Variants in LYRM4 observed in about 807,000 individuals in gnomAD.
The protein encoded by LYRM4 is LYR motif containing 4.
A neutral mutation model predicts 11.7 loss-of-function variants in LYRM4; 9 were observed. The ratio of observed to expected loss-of-function variants is 0.77; its 90% CI spans 0.46 to 1.34. LYRM4 has a LOEUF of 1.34. LYRM4 is among the 40% of genes most tolerant of loss of function. LYRM4 has a pLI of 0.00. For synonymous variants in LYRM4, 42 were observed against 40.4 expected, an observed-to-expected ratio of 1.04 and a Z score of -0.15; for missense variants, 133 against 112.5, an observed-to-expected ratio of 1.18 and a Z score of -0.82.
the LYRM4 span, among the ~76,000 whole-genome samples, chr6:5,067,751 C>T: frequency 1.2e-4 from 19 of 152,010 alleles, no homozygotes; most frequent in African/African-American, 4.6e-4. Flanking sequence ...GGAAAAGTTA[C>T]AAATCTTAAT....
the LYRM4 span, among the ~76,000 whole-genome samples, chr6:5,069,748 G>A: frequency 6.6e-6 from 1 of 151,990 alleles, no homozygotes; most frequent in Non-Finnish European, 1.5e-5. Flanking sequence ...CAAAGTGCTG[G>A]GATTATAGGC....
chr6:5,248,465 A>G (rs1764290102), intron 1 of LYRM4, among the ~76,000 whole-genome samples: 1 of 152,256 alleles, frequency 6.6e-6, no homozygotes, highest in Non-Finnish European at 1.5e-5. Context: ...CTAGCATCTT[A>G]TCTTAGCACA....
chr6:5,260,556 T>A lies in LYRM4; in HGVS notation c.86+92A>T. Reference sequence around the variant, plus strand: ...GCAGCCGCCGGCAAACCACGGTGGCTCCCAGTCCCCGGGGATATTCCGCGT... The same window carrying A: ...GCAGCCGCCGGCAAACCACGGTGGCACCCAGTCCCCGGGGATATTCCGCGT... On this transcript the variant is annotated intron_variant, in intron 1 of 2. Coordinates refer to ENST00000330636, the MANE Select transcript of LYRM4 (RefSeq NM_020408.6). 5 of 1,493,398 alleles carry A rather than the reference T, an allele frequency of 3.3e-6. No individual in the cohort carries two copies. In the South Asian group the frequency reaches 4.8e-5, roughly 14 times the overall value. 92.5% of individuals were successfully genotyped at this position (1,493,398 alleles called of 1,614,324 possible).
intron 1 of LYRM4, among the ~76,000 whole-genome samples, chr6:5,239,288 T>C (rs1476529068): frequency 6.6e-6 from 1 of 152,062 alleles, no homozygotes; most frequent in African/African-American, 2.4e-5. Context: ...CACAAGGAAA[T>C]ACTGGGATGA....
the LYRM4 span, among the ~76,000 whole-genome samples, chr6:5,040,085 A>G: frequency 6.6e-6 from 1 of 152,224 alleles, no homozygotes; most frequent in Non-Finnish European, 1.5e-5. Context: ...TAAACTATCC[A>G]CAAAAATCAA....
At chr6:5,077,258 A>G in the LYRM4 span, among the ~76,000 whole-genome samples, 25 of 152,244 alleles carry the variant, frequency 1.6e-4, no homozygotes, top group African/African-American at 5.8e-4. Context: ...TACAGTGAGA[A>G]CGCAAAGTTC....
intron 2 of LYRM4, among the ~76,000 whole-genome samples, chr6:5,208,692 C>T (rs2127714495): frequency 6.6e-6 from 1 of 152,260 alleles, no homozygotes; most frequent in South Asian, 2.1e-4. Flanking sequence ...CACAGGAACG[C>T]CAACTATGGG....
intron 1 of LYRM4, among the ~76,000 whole-genome samples, chr6:5,252,362 A>C (rs1238498662): frequency 6.6e-6 from 1 of 152,076 alleles, no homozygotes; most frequent in Non-Finnish European, 1.5e-5. Flanking sequence ...TCTATGCCTC[A>C]CTCTGCCTTG....
chr6:5,222,619 T>G (rs889487547), intron 1 of LYRM4, among the ~76,000 whole-genome samples: 13 of 152,126 alleles, frequency 8.5e-5, no homozygotes, highest in South Asian at 4.2e-4. Flanking sequence ...TGCCCTTAGG[T>G]TTGTCAAATC....
intron 1 of LYRM4, among the ~76,000 whole-genome samples, chr6:5,253,520 T>C (rs1764526108): frequency 6.6e-6 from 1 of 152,220 alleles, no homozygotes; most frequent in South Asian, 2.1e-4. Flanking sequence ...TTTTCTTATT[T>C]GAGCTCAAAA....
intron 2 of LYRM4, among the ~76,000 whole-genome samples, chr6:5,192,913 C>G (rs1760844717): frequency 6.6e-6 from 1 of 152,184 alleles, no homozygotes; most frequent in South Asian, 2.1e-4. Context: ...GTAATCCCAG[C>G]TACTCGGGAG....
chr6:5,054,961 C>G, the LYRM4 span, among the ~76,000 whole-genome samples: 1 of 152,116 alleles, frequency 6.6e-6, no homozygotes, highest in Non-Finnish European at 1.5e-5. Flanking sequence ...TATAGAGAAT[C>G]TTCTTCCCTT....
chr6:5,048,078 C>T, the LYRM4 span, among the ~76,000 whole-genome samples: 1 of 152,186 alleles, frequency 6.6e-6, no homozygotes, highest in African/African-American at 2.4e-5. Flanking sequence ...CTCTCTTAGC[C>T]TCAATGTCTA....
chr6:5,126,588 A>G (rs1179887586), intron 2 of LYRM4, among the ~76,000 whole-genome samples: 1 of 152,252 alleles, frequency 6.6e-6, no homozygotes, highest in Admixed American at 6.5e-5. Context: ...CCAAATACAT[A>G]TTAACTGATG....
chr6:5,183,517 T>C (rs1191954276), intron 2 of LYRM4, among the ~76,000 whole-genome samples: 1 of 152,184 alleles, frequency 6.6e-6, no homozygotes, highest in Non-Finnish European at 1.5e-5. Flanking sequence ...CTTGCACCAA[T>C]GCAATAAAGT....
rs184316346 is a variant in LYRM4 at position 5,184,483 on chromosome 6, G to A, written c.207+32135C>T. 1.9e-3 allele frequency among the ~76,000 whole-genome samples: 285 copies of A among 152,284 alleles called. 2 individuals are homozygous for A. Among genetic ancestry groups the A allele is most frequent in the Admixed American group, 5.8e-3 (88 of 15,288 alleles). On this transcript the variant is annotated intron_variant, in intron 2 of 2. Transcript: ENST00000330636. Reference sequence around the variant, plus strand: ...ATAAGGATTGATTTTGCTTTGTGGAGATGCCGTTAAAACCACAGGAAAACA... The same window carrying A: ...ATAAGGATTGATTTTGCTTTGTGGAAATGCCGTTAAAACCACAGGAAAACA...
the LYRM4 span, among the ~76,000 whole-genome samples, chr6:5,041,217 CTTATAG>C: frequency 0.66 from 100,174 of 151,244 alleles, 35,982 homozygotes; most frequent in East Asian, 0.95. Context: ...GAGTGACAAA[CTTATAG>C]TTAAAAGCTC....
intron 2 of LYRM4, among the ~76,000 whole-genome samples, chr6:5,171,240 C>G (rs1274355933): frequency 6.6e-6 from 1 of 152,180 alleles, no homozygotes; most frequent in Non-Finnish European, 1.5e-5. Flanking sequence ...GCCACCCCTC[C>G]TAATGCCAAC....
intron 2 of LYRM4, among the ~76,000 whole-genome samples, chr6:5,202,957 G>A (rs996242451): frequency 6.6e-6 from 1 of 152,060 alleles, no homozygotes; most frequent in African/African-American, 2.4e-5. Flanking sequence ...GTGTGAGACA[G>A]AGAGGACAGC....
Sources: allele counts gnomAD v4.1 joint callset (sites outside exome capture counted in the v4.1 genomes callset), GRCh38; gene constraint gnomAD v4.1.1; transcripts MANE v1.5; gene names NCBI Gene and HGNC (gene_info 2026-07-23, HGNC 2026-07-21).